The following ZNF831 variants were observed in gnomAD, a reference collection of about 807,000 sequenced individuals.
ZNF831 encodes chromosome 20 open reading frame 174.
In ZNF831, 59 loss-of-function variants were observed where a neutral mutation model predicts 95.8. That is an observed-to-expected ratio of 0.62 (90% CI 0.50 to 0.77). The LOEUF is 0.77. Ranked by LOEUF, ZNF831 falls within the 30% of genes least tolerant of loss-of-function variation. The pLI is 0.00. For synonymous variants in ZNF831, 961 were observed against 925.5 expected (o/e 1.04, Z -0.70); for missense variants, 2,205 against 2,164.0 (o/e 1.02, Z -0.38).
chr20:59,205,015 T>C (rs1984787462), intron 3 of ZNF831, among the ~76,000 whole-genome samples: 1 of 152,166 alleles, frequency 6.6e-6, no homozygotes, highest in Non-Finnish European at 1.5e-5. Flanking sequence ...CTTGATGAAG[T>C]GCGAATTCAG....
At chr20:59,235,427 G>A (rs936015142) in intron 4 of ZNF831, among the ~76,000 whole-genome samples, 1 of 152,260 alleles carries the variant, frequency 6.6e-6, no homozygotes, top group African/African-American at 2.4e-5. Context: ...GCCCCCAGGA[G>A]TTTCCCCACT....
At position 59,201,985 on chromosome 20, in the gene ZNF831, A is replaced by G. The variant is rs74732703; in HGVS notation, c.3876-4920A>G. Among the ~76,000 whole-genome samples, 1,336 of 152,332 alleles carry G rather than the reference A, an allele frequency of 8.8e-3. 21 individuals carry two copies. The highest frequency in any genetic ancestry group is 0.03 in the African/African-American group (1,227 of 41,576). On this transcript the variant is annotated intron_variant, in intron 3 of 5. Coordinates refer to ENST00000371030, the MANE Select transcript of ZNF831 (RefSeq NM_178457.3). ...GACCTGGAAAATTTCTCCATCAATA[A>G]GTTGAGGTGTCATCAGGCTTACCTC...
intron 4 of ZNF831, among the ~76,000 whole-genome samples, chr20:59,211,703 CTT>C (rs1985342740): frequency 6.6e-6 from 1 of 152,132 alleles, no homozygotes; most frequent in South Asian, 2.1e-4. Context: ...TTATAAACAA[CTT>C]TCTCGGGTCT....
intron 1 of ZNF831, among the ~76,000 whole-genome samples, chr20:59,164,706 A>G (rs1442350093): frequency 1.3e-5 from 2 of 152,224 alleles, no homozygotes; most frequent in African/African-American, 4.8e-5. Flanking sequence ...ACCCAAGGGT[A>G]GCATTTTTCA....
chr20:59,185,685 T>C (rs1451901083), intron 1 of ZNF831, among the ~76,000 whole-genome samples: 2 of 152,172 alleles, frequency 1.3e-5, no homozygotes, highest in Admixed American at 6.5e-5. Flanking sequence ...GGGCTGTTGA[T>C]GCTCTGTGTC....
rs1463687867 is a variant in ZNF831, at chr20:59,192,280, G to C, written c.1261G>C (p.Asp421His). 2 of 1,589,300 alleles carry C rather than the reference G, an allele frequency of 1.3e-6. No individual in the cohort carries two copies. Among genetic ancestry groups the C allele is most frequent in the Admixed American group, 1.7e-5 (1 of 57,168 alleles). The change falls in exon 2 of 6, where the codon GAT (aspartate) becomes CAT (histidine). Residue 421 changes from aspartate to histidine, a missense_variant. Transcript: ENST00000371030. This position sits in a 1 kb window ranked among gnomAD's most constrained non-coding sequence, Gnocchi z 5.2. ...LISHNQAVVD[D>H]AQLDNVRPRK... is the part of the protein sequence containing the mutation. ...CTCCCACAACCAGGCGGTGGTGGACGATGCCCAGCTGGACAACGTGCGGCC... is the reference window on the plus strand; with the variant it reads ...CTCCCACAACCAGGCGGTGGTGGACCATGCCCAGCTGGACAACGTGCGGCC...
Position 59,192,808 on chromosome 20 carries a change from G to A in ZNF831, c.1789G>A (p.Ala597Thr), listed in dbSNP as rs2146572157. ...AKRTAAREAM[A>T]GKGRAGGRKC... Reference sequence around the variant, plus strand: ...GAGAACTGCTGCGCGGGAGGCCATGGCCGGCAAGGGCAGAGCGGGCGGCAG... The same window carrying A: ...GAGAACTGCTGCGCGGGAGGCCATGACCGGCAAGGGCAGAGCGGGCGGCAG... Residue 597 changes from alanine (A) to threonine (T), a missense_variant, in exon 2 of 6, where the codon GCC becomes ACC. Transcript: ENST00000371030. The surrounding 1 kb of genome is among the most constrained non-coding windows in gnomAD (Gnocchi z 5.2). The A allele has an allele frequency of 6.2e-7, 1 of 1,611,564 alleles. No individual in the cohort carries two copies. Among genetic ancestry groups the A allele is most frequent in the African/African-American group, 1.3e-5 (1 of 75,044 alleles).
chr20:59,242,948 C>T lies in ZNF831; in HGVS notation c.4028-10030C>T, dbSNP rs975486108. Among the ~76,000 whole-genome samples, 18 of 152,200 alleles carry T rather than the reference C, an allele frequency of 1.2e-4. 1 individual carries two copies. The highest frequency in any genetic ancestry group is 2.9e-5 in the Non-Finnish European group (2 of 68,032). Reference sequence around the variant, plus strand: ...TGGGATGATTCATAACCCATCTCCTCTGTGGCATTTACCACAATACCAATC... The same window carrying T: ...TGGGATGATTCATAACCCATCTCCTTTGTGGCATTTACCACAATACCAATC... On this transcript the variant is annotated intron_variant, in intron 4 of 5. Coordinates refer to ENST00000371030, the MANE Select transcript of ZNF831 (RefSeq NM_178457.3).
intron 1 of ZNF831, among the ~76,000 whole-genome samples, chr20:59,176,762 A>C (rs1016640892): frequency 6.6e-6 from 1 of 152,160 alleles, no homozygotes; most frequent in African/African-American, 2.4e-5. Flanking sequence ...GCTTCTTCCT[A>C]CCCTTTATTT....
rs76671897 is a variant in ZNF831, at chr20:59,257,445, C to T, written c.*2702C>T. On this transcript the variant is annotated 3_prime_UTR_variant, in exon 6 of 6. Transcript: ENST00000371030. ...AAGAATCTTTTTATAAAGCAATGAA[C>T]AATCTCTGATTTTATAAATCTTAAT... is the stretch of plus-strand genomic sequence containing the variant. 1 of 152,168 alleles carries T rather than the reference C, an allele frequency of 6.6e-6. No individual in the cohort carries two copies. Among genetic ancestry groups the T allele is most frequent in the East Asian group, 1.9e-4 (1 of 5,186 alleles). 9.4% of individuals were successfully genotyped at this position (152,168 alleles called of 1,614,324 possible).
At chr20:59,244,206 C>G (rs140093000) in intron 4 of ZNF831, among the ~76,000 whole-genome samples, 42 of 152,120 alleles carry the variant, frequency 2.8e-4, no homozygotes, top group African/African-American at 1.0e-3. Context: ...AAAACTATTA[C>G]TGAGAGAGGC....
At chr20:59,214,501 G>T (rs1407031465) in intron 4 of ZNF831, among the ~76,000 whole-genome samples, 1 of 152,176 alleles carries the variant, frequency 6.6e-6, no homozygotes, top group Non-Finnish European at 1.5e-5. Flanking sequence ...GAGTCAGCTG[G>T]TGCCACTCAG....
In ZNF831 at chr20:59,193,760, C is replaced by G. The variant is rs770528594; in HGVS notation, c.2741C>G (p.Ala914Gly). The change falls in exon 2 of 6, where the codon GCA becomes GGA. Residue 914 changes from alanine to glycine, a missense_variant. Physicochemically the swap from Ala to Gly is moderately conservative, Grantham distance 60 (BLOSUM62 0). Coordinates refer to ENST00000371030, the MANE Select transcript of ZNF831 (RefSeq NM_178457.3). ...CTGCATCCTGCAGCCCCAGCCCCCG[C>G]AGAGCACCCCTCGCTGGCCACCCCA... ...TPLHPAAPAP[A>G]EHPSLATPPQ... The G allele has an allele frequency of 3.7e-6, 6 of 1,608,312 alleles. No homozygotes were observed. The highest frequency in any genetic ancestry group is 5.1e-6 in the Non-Finnish European group (6 of 1,177,064).
intron 1 of ZNF831, among the ~76,000 whole-genome samples, chr20:59,129,102 C>T (rs959798085): frequency 6.6e-5 from 10 of 152,172 alleles, no homozygotes; most frequent in South Asian, 2.1e-4. Context: ...AAGTTACAAA[C>T]GTGGTGCAGA....
intron 4 of ZNF831, among the ~76,000 whole-genome samples, chr20:59,219,564 T>C (rs1226013740): frequency 6.6e-6 from 1 of 152,004 alleles, no homozygotes; most frequent in African/African-American, 2.4e-5. Flanking sequence ...AACAGGAGCA[T>C]AGCAGGGGGT....
In ZNF831 at chr20:59,193,361, C is replaced by G. The variant is rs200754847; in HGVS notation, c.2342C>G (p.Pro781Arg). The G allele has an allele frequency of 3.7e-6, 6 of 1,609,432 alleles. No individual in the cohort carries two copies. Among genetic ancestry groups the G allele is most frequent in the Non-Finnish European group, 4.2e-6 (5 of 1,177,830 alleles). The change falls in exon 2 of 6, where the codon CCG becomes CGG. Residue 781 changes from proline to arginine, a missense_variant. Coordinates refer to ENST00000371030, the MANE Select transcript of ZNF831 (RefSeq NM_178457.3). ...GTAGAGGCTCCCAGGCCAGTTTGGCCGGACCCCAAGCTGGAAGGAGGTGCC... is the reference window on the plus strand; with the variant it reads ...GTAGAGGCTCCCAGGCCAGTTTGGCGGGACCCCAAGCTGGAAGGAGGTGCC... ...GDVEAPRPVW[P>R]DPKLEGGARG...
At chr20:59,157,936 TA>T (rs1395271335) in intron 2 of ZNF831, among the ~76,000 whole-genome samples, 7 of 152,200 alleles carry the variant, frequency 4.6e-5, no homozygotes, top group Non-Finnish European at 2.9e-5. Context: ...TTTCTTGTTG[TA>T]GCTGAAATAT....
intron 4 of ZNF831, among the ~76,000 whole-genome samples, chr20:59,245,703 A>G (rs1370847762): frequency 6.6e-6 from 1 of 152,214 alleles, no homozygotes. Flanking sequence ...TTTGAAATAA[A>G]CTTTTCAAAG....
intron 1 of ZNF831, among the ~76,000 whole-genome samples, chr20:59,188,966 A>C (rs1983287356): frequency 6.6e-6 from 1 of 152,152 alleles, no homozygotes; most frequent in Admixed American, 6.5e-5. Context: ...GGATCACCCG[A>C]AGTCAGGAGT....
Sources: gnomAD v4.1 joint callset for allele counts (sites outside exome capture counted in the v4.1 genomes callset) on GRCh38, gnomAD v4.1.1 for gene constraint, Gnocchi (gnomAD v3.1) non-coding constraint, MANE v1.5 for transcripts, NCBI Gene and HGNC (gene_info 2026-07-23, HGNC 2026-07-21) for gene names.